The following FGF1 variants were observed in gnomAD, a reference collection of about 807,000 sequenced individuals.
FGF1 encodes beta-endothelial cell growth factor.
FGF1 carries 9 observed loss-of-function variants against 13.4 expected under a neutral mutation model. That is an observed-to-expected ratio of 0.67 (90% CI 0.40 to 1.17). The LOEUF is 1.17. FGF1 is among the 50% of genes most tolerant of loss of function. The pLI is 0.01. For synonymous variants in FGF1, 93 were observed against 79.0 expected (o/e 1.18, Z -0.94); for missense variants, 156 against 192.7 (o/e 0.81, Z 1.13).
rs17223576 is a variant in FGF1, at chr5:142,615,094, C to A, written c.-34-933G>T. Among the ~76,000 whole-genome samples, 377 of 152,206 alleles carry A rather than the reference C, an allele frequency of 2.5e-3. 4 individuals carry two copies. The East Asian group carries it at 0.035, about 14-fold the overall frequency. On this transcript the variant is annotated intron_variant, in intron 1 of 3. Transcript: ENST00000337706. Reference sequence around the variant, plus strand: ...CACCTCAAAGGATTAAAAAACAAAACCAATGAGCATTAGAATTGGTTAAAA... The same window carrying A: ...CACCTCAAAGGATTAAAAAACAAAAACAATGAGCATTAGAATTGGTTAAAA...
chr5:142,614,572 C>A (rs1759803756), intron 1 of FGF1, among the ~76,000 whole-genome samples: 1 of 152,150 alleles, frequency 6.6e-6, no homozygotes, highest in South Asian at 2.1e-4. Context: ...GAGGCCAGGA[C>A]CAAGGTTCTG....
chr5:142,675,513 C>T lies in FGF1; in HGVS notation c.-35+10444G>A, dbSNP rs369981674. ...GATCACCACTGGGTTTTTCCATATCCACAGCTATGAGGCAGTCAGGAGGAC... is the reference window on the plus strand; with the variant it reads ...GATCACCACTGGGTTTTTCCATATCTACAGCTATGAGGCAGTCAGGAGGAC... On this transcript the variant is annotated intron_variant, in intron 1 of 3. Transcript: ENST00000337706. Among the ~76,000 whole-genome samples, 53 of 152,286 alleles carry T rather than the reference C, an allele frequency of 3.5e-4. No individual in the cohort carries two copies. The East Asian group carries it at 6.2e-3, about 18-fold the overall frequency.
chr5:142,639,357 G>A (rs746514161), intron 1 of FGF1, among the ~76,000 whole-genome samples: 9 of 151,858 alleles, frequency 5.9e-5, no homozygotes, highest in Non-Finnish European at 1.3e-4. Context: ...AGAAAATGTG[G>A]TATATACAGA....
intron 1 of FGF1, among the ~76,000 whole-genome samples, chr5:142,615,773 A>G (rs910152161): frequency 6.6e-6 from 1 of 152,246 alleles, no homozygotes; most frequent in African/African-American, 2.4e-5. Context: ...GCTGAATCGC[A>G]AAAGGAGTCT....
At chr5:142,621,771 C>G (rs1761672303) in intron 1 of FGF1, among the ~76,000 whole-genome samples, 1 of 152,168 alleles carries the variant, frequency 6.6e-6, no homozygotes, top group African/African-American at 2.4e-5. Context: ...CATCACGTCT[C>G]CCTCCAAACT....
At position 142,625,834 on chromosome 5, in the gene FGF1, T is replaced by C. The variant is rs139404542; in HGVS notation, c.-34-11673A>G. On this transcript the variant is annotated intron_variant, in intron 1 of 3. Transcript: ENST00000337706. Reference sequence around the variant, plus strand: ...TTCCAGAACCAGCCTGGCAAGGACATTCCTTTCTCGAAATCAGCCAACATT... The same window carrying C: ...TTCCAGAACCAGCCTGGCAAGGACACTCCTTTCTCGAAATCAGCCAACATT... Among the ~76,000 whole-genome samples the C allele has an allele frequency of 9.7e-3, 1,481 of 152,346 alleles. 16 individuals are homozygous for C. The highest frequency in any genetic ancestry group is 0.019 in the Admixed American group (294 of 15,304).
At chr5:142,600,265 G>A in intron 3 of FGF1, among the ~76,000 whole-genome samples, 1 of 152,294 alleles carries the variant, frequency 6.6e-6, no homozygotes, top group East Asian at 1.9e-4. Flanking sequence ...AGGGGGCTGA[G>A]GGGGGAGGAT....
intron 1 of FGF1, among the ~76,000 whole-genome samples, chr5:142,666,146 C>A (rs76949249): frequency 1 from 104,356 of 104,356 alleles, 52,178 homozygotes; most frequent in Non-Finnish European, 1. Flanking sequence ...TTGAACTTTA[C>A]CCAGTGCTCA....
At chr5:142,618,929 GTTTTTTTTTTTT>G (rs869093279) in intron 1 of FGF1, among the ~76,000 whole-genome samples, 1 of 61,252 alleles carries the variant, frequency 1.6e-5, no homozygotes, top group Admixed American at 2.0e-4. Flanking sequence ...TAGTTGTTTT[GTTTTTTTTTTTT>G]TTTTTTTTTT....
chr5:142,620,897 G>A (rs1463352004), intron 1 of FGF1, among the ~76,000 whole-genome samples: 1 of 152,116 alleles, frequency 6.6e-6, no homozygotes, highest in Non-Finnish European at 1.5e-5. Flanking sequence ...CTATTCTTTG[G>A]GCAGAATAGA....
intron 1 of FGF1, among the ~76,000 whole-genome samples, chr5:142,675,075 G>C: frequency 6.6e-6 from 1 of 152,168 alleles, no homozygotes; most frequent in Middle Eastern, 3.2e-3. Flanking sequence ...AGGTCAATGG[G>C]TCGTTAGAAA....
chr5:142,661,807 T>C (rs903062462), intron 1 of FGF1, among the ~76,000 whole-genome samples: 3 of 152,020 alleles, frequency 2.0e-5, no homozygotes, highest in Non-Finnish European at 4.4e-5. Flanking sequence ...ATTGAGACCA[T>C]CCTGGCTAAC....
chr5:142,691,330 G>C (rs1364804382), intron 2 of FGF1, among the ~76,000 whole-genome samples: 1 of 151,928 alleles, frequency 6.6e-6, no homozygotes, highest in Non-Finnish European at 1.5e-5. Context: ...GCTGAGGCAG[G>C]AGAATCACTT....
In FGF1 at chr5:142,608,754, T is replaced by C. The variant is rs1220786765; in HGVS notation, c.169+5205A>G. Among the ~76,000 whole-genome samples the C allele has an allele frequency of 1.9e-4, 28 of 144,444 alleles. 1 individual carries two copies. Among genetic ancestry groups the C allele is most frequent in the Admixed American group, 1.6e-3 (22 of 14,022 alleles). 94.8% of individuals were successfully genotyped at this position (144,444 alleles called of 152,430 possible). A position where few individuals can be genotyped will look rare whatever the true frequency, so the allele number is the denominator to read the frequency against. ...ATATATATCATATATATATAGTATA[T>C]ATACACATATATATCATATATATAT... On this transcript the variant is annotated intron_variant, in intron 2 of 3. Coordinates refer to ENST00000337706, the MANE Select transcript of FGF1 (RefSeq NM_000800.5).
chr5:142,623,593 C>T (rs1432670722), intron 1 of FGF1, among the ~76,000 whole-genome samples: 2 of 152,116 alleles, frequency 1.3e-5, no homozygotes, highest in African/African-American at 2.4e-5. Context: ...AGGTGATCCA[C>T]CTGCCTCAGC....
At chr5:142,644,417 C>T (rs545715446) in intron 1 of FGF1, 1 of 152,250 alleles carries the variant, frequency 6.6e-6, no homozygotes, top group South Asian at 2.1e-4. Flanking sequence ...GTTACACCCG[C>T]CCCCTCATTC....
At chr5:142,637,289 A>G (rs1228475371) in intron 1 of FGF1, among the ~76,000 whole-genome samples, 1 of 151,292 alleles carries the variant, frequency 6.6e-6, no homozygotes, top group Non-Finnish European at 1.5e-5. Context: ...TGACCTCCAG[A>G]GGCAGATTTG....
chr5:142,663,048 T>C (rs1769571729), intron 1 of FGF1, among the ~76,000 whole-genome samples: 1 of 152,256 alleles, frequency 6.6e-6, no homozygotes, highest in East Asian at 1.9e-4. Flanking sequence ...GGTCTGGAAC[T>C]CCTGGGCTTA....
At chr5:142,600,846 C>T (rs780775201) in intron 2 of FGF1, 41 bp from the exon 3 acceptor site, 17 of 1,467,048 alleles carry the variant, frequency 1.2e-5, no homozygotes, top group African/African-American at 4.2e-5. Context: ...ATAAACACTA[C>T]GCTTTTGCCG....
Sources: allele counts gnomAD v4.1 joint callset (sites outside exome capture counted in the v4.1 genomes callset), GRCh38; gene constraint gnomAD v4.1.1; transcripts MANE v1.5; gene names NCBI Gene and HGNC (gene_info 2026-07-23, HGNC 2026-07-21).